ARHGAP20: variants seen among roughly 807,000 people sequenced by gnomAD.
ARHGAP20 encodes the protein Rho GTPase activating protein 20.
Under a neutral mutation model 73.7 loss-of-function variants are expected in ARHGAP20, and 34 were observed. The ratio of observed to expected loss-of-function variants is 0.46; its 90% CI spans 0.35 to 0.61. The LOEUF is 0.61. ARHGAP20 is among the 20% of genes least tolerant of loss of function. ARHGAP20 has a pLI of 0.00. For missense variants in ARHGAP20, 1,314 were observed against 1,420.9 expected, an observed-to-expected ratio of 0.92 and a Z score of 1.21; for synonymous variants, 523 against 518.2, an observed-to-expected ratio of 1.01 and a Z score of -0.13.
chr11:110,611,450 A>C, intron 6 of ARHGAP20, 64 bp from the exon 7 acceptor site: 1 of 832,206 alleles, frequency 1.2e-6, no homozygotes, highest in Non-Finnish European at 1.8e-6. Flanking sequence ...TTAACAAATA[A>C]TCATTGTCAA....
In ARHGAP20 at chr11:110,580,515, A is replaced by G. The variant is rs1178914140; in HGVS notation, c.2431T>C (p.Ser811Pro). 6.2e-7 allele frequency: 1 copy of G among 1,614,168 alleles called. No homozygotes were observed. Among genetic ancestry groups the G allele is most frequent in the Non-Finnish European group, 8.5e-7 (1 of 1,180,038 alleles). ...ISVASYSPMS[S>P]QDHSKNQPFD... ...GGCTGGTTCTTGGAATGATCCTGTG[A>G]GGACATAGGACTATAAGATGCCACA... is the stretch of plus-strand genomic sequence containing the variant. Residue 811 changes from serine (S) to proline (P), a missense_variant, in exon 15 of 15, where the codon TCA becomes CCA. Around this residue, in one of 3 missense-constraint regions of ARHGAP20, gnomAD observed 641 missense variants for 636.9 expected, o/e 1.01. Coordinates refer to ENST00000683387, the MANE Select transcript of ARHGAP20 (RefSeq NM_001384657.1).
intron 2 of ARHGAP20, among the ~76,000 whole-genome samples, chr11:110,634,857 T>C (rs1948931539): frequency 6.6e-6 from 1 of 152,142 alleles, no homozygotes; most frequent in Non-Finnish European, 1.5e-5. Context: ...TAGTTAAGCA[T>C]ATTTGAGAGT....
intron 1 of ARHGAP20, among the ~76,000 whole-genome samples, chr11:110,701,147 T>G (rs1304554700): frequency 1.3e-5 from 2 of 151,764 alleles, no homozygotes; most frequent in Non-Finnish European, 2.9e-5. Context: ...TAGTTCTAGA[T>G]CCCTGAGGAA....
chr11:110,645,785 A>G (rs1949178653), intron 2 of ARHGAP20, among the ~76,000 whole-genome samples: 1 of 152,206 alleles, frequency 6.6e-6, no homozygotes, highest in Non-Finnish European at 1.5e-5. Context: ...AATACTATGC[A>G]GCCATAAAAA....
At chr11:110,602,425 A>G (rs1261166644) in intron 9 of ARHGAP20, among the ~76,000 whole-genome samples, 1 of 152,220 alleles carries the variant, frequency 6.6e-6, no homozygotes, top group East Asian at 1.9e-4. Context: ...GGTTAATCAC[A>G]ATGCTCCCAA....
At chr11:110,685,284 C>T (rs1390350286) in intron 2 of ARHGAP20, among the ~76,000 whole-genome samples, 2 of 152,062 alleles carry the variant, frequency 1.3e-5, no homozygotes, top group Admixed American at 6.6e-5. Flanking sequence ...AGAGTCTTAA[C>T]ACAAGGATGA....
At chr11:110,662,583 T>C (rs1949639055) in intron 2 of ARHGAP20, among the ~76,000 whole-genome samples, 1 of 151,932 alleles carries the variant, frequency 6.6e-6, no homozygotes, top group Non-Finnish European at 1.5e-5. Flanking sequence ...TATAAGATAA[T>C]GTGAGTAATT....
intron 2 of ARHGAP20, among the ~76,000 whole-genome samples, chr11:110,663,251 G>T (rs1023943416): frequency 6.6e-6 from 1 of 150,706 alleles, no homozygotes; most frequent in Non-Finnish European, 1.5e-5. Flanking sequence ...ACTATAAGCT[G>T]GTTCTTTAAG....
Position 110,606,499 on chromosome 11 carries a change from A to G in ARHGAP20, c.964+62T>C, listed in dbSNP as rs192451975. On this transcript the variant is annotated intron_variant, in intron 9 of 14. Transcript: ENST00000683387. ...AATACCTCATCTGGCGGGAGGTTTG[A>G]GTCTTTGCCTTTGTACTAAATTTAT... The G allele has an allele frequency of 1.8e-4, 280 of 1,515,142 alleles. No individual in the cohort carries two copies. The African/African-American group carries it at 3.5e-3, about 19-fold the overall frequency. The allele number at this position is 1,515,142 out of a possible 1,614,324, so 93.9% of individuals were successfully genotyped here.
intron 12 of ARHGAP20, among the ~76,000 whole-genome samples, chr11:110,585,001 A>T (rs1375551849): frequency 2.5e-5 from 3 of 118,580 alleles, no homozygotes; most frequent in Non-Finnish European, 5.7e-5. Flanking sequence ...ATATGAATAT[A>T]TGAATATGTA....
At chr11:110,613,966 T>C (rs1948428110) in intron 6 of ARHGAP20, among the ~76,000 whole-genome samples, 1 of 152,172 alleles carries the variant, frequency 6.6e-6, no homozygotes, top group African/African-American at 2.4e-5. Context: ...CATCAAATTA[T>C]ACATAATAGC....
chr11:110,661,302 A>AG (rs1774394742), intron 2 of ARHGAP20, among the ~76,000 whole-genome samples: 1 of 152,144 alleles, frequency 6.6e-6, no homozygotes, highest in Admixed American at 6.5e-5. Flanking sequence ...TGAAACATAG[A>AG]GGGGAAAAAA....
chr11:110,636,574 CT>C (rs1330507841), intron 2 of ARHGAP20, among the ~76,000 whole-genome samples: 1 of 152,008 alleles, frequency 6.6e-6, no homozygotes, highest in African/African-American at 2.4e-5. Context: ...AAATGATTTT[CT>C]TTTTCTGTGT....
intron 2 of ARHGAP20, among the ~76,000 whole-genome samples, chr11:110,642,769 A>G (rs912647981): frequency 6.6e-6 from 1 of 151,890 alleles, no homozygotes; most frequent in Non-Finnish European, 1.5e-5. Flanking sequence ...TGCTTTGCCA[A>G]ATTTTGATAT....
Position 110,579,660 on chromosome 11 carries a change from T to C in ARHGAP20, c.3286A>G (p.Arg1096Gly). Residue 1096 changes from arginine (R) to glycine (G), a missense_variant, in exon 15 of 15, where the codon AGG (arginine) becomes GGG (glycine). Transcript: ENST00000683387. ...LQEEQKDLPL[R>G]AAEGLSPVQS... ...ACAGGGGACAGTCCTTCAGCTGCCC[T>C]TAAGGGCAAGTCTTTTTGTTCCTCT... The C allele has an allele frequency of 6.2e-7, 1 of 1,614,228 alleles. No homozygotes were observed. The highest frequency in any genetic ancestry group is 8.5e-7 in the Non-Finnish European group (1 of 1,180,030).
At chr11:110,675,633 G>A (rs1214972545) in intron 2 of ARHGAP20, among the ~76,000 whole-genome samples, 1 of 152,084 alleles carries the variant, frequency 6.6e-6, no homozygotes, top group East Asian at 1.9e-4. Flanking sequence ...GTGCTCCTAG[G>A]AGAATCTAGG....
intron 2 of ARHGAP20, among the ~76,000 whole-genome samples, chr11:110,653,089 T>C (rs1591142210): frequency 1.3e-5 from 2 of 152,232 alleles, no homozygotes; most frequent in Middle Eastern, 6.8e-3. Flanking sequence ...ATTAAAGACT[T>C]AAAATGTAAA....
intron 2 of ARHGAP20, among the ~76,000 whole-genome samples, chr11:110,643,287 CTTTA>C (rs1270324699): frequency 6.6e-6 from 1 of 152,014 alleles, no homozygotes; most frequent in African/African-American, 2.4e-5. Context: ...TCTGCTCTGA[CTTTA>C]TTTATTTTCT....
Position 110,690,539 on chromosome 11 carries a change from G to A in ARHGAP20, c.188+8C>T, listed in dbSNP as rs765462355. The A allele has an allele frequency of 1.9e-6, 3 of 1,611,542 alleles. No individual in the cohort carries two copies. The highest frequency in any genetic ancestry group is 2.2e-5 in the South Asian group (2 of 91,018). On this transcript the variant is annotated splice_region_variant and intron_variant, in intron 2 of 14. Transcript: ENST00000683387. ...TACTGAATGTGTAATACAAAGCTTT[G>A]CACTTACCTGGTAGTAGGCCGTTTT...
Sources: gnomAD v4.1 joint callset for allele counts (sites outside exome capture counted in the v4.1 genomes callset) on GRCh38, gnomAD v4.1.1 for gene constraint, gnomAD v4.1.1 regional missense constraint, MANE v1.5 for transcripts, NCBI Gene and HGNC (gene_info 2026-07-23, HGNC 2026-07-21) for gene names.